SLIT1: variants seen among roughly 807,000 people sequenced by gnomAD.
The protein encoded by SLIT1 is slit guidance ligand 1, also known as slit homolog 1 protein.
In SLIT1, 66 loss-of-function variants were observed where a neutral mutation model predicts 186.1. That is an observed-to-expected ratio of 0.35 (90% CI 0.29 to 0.44). The LOEUF is 0.44. Ranked by LOEUF, SLIT1 falls within the 20% of genes least tolerant of loss-of-function variation. SLIT1 has a pLI of 1.00. For synonymous variants in SLIT1, 761 were observed against 833.8 expected (o/e 0.91, Z 1.50); for missense variants, 1,638 against 2,037.4 (o/e 0.80, Z 3.77).
At chr10:97,002,025 A>G in intron 36 of SLIT1, 133 bp downstream of exon 36, 2 of 521,452 alleles carry the variant, frequency 3.8e-6, no homozygotes. Flanking sequence ...GGGACTCTGA[A>G]AGCCCCATAG....
At chr10:97,085,491 G>A (rs1431757913) in intron 4 of SLIT1, among the ~76,000 whole-genome samples, 2 of 151,454 alleles carry the variant, frequency 1.3e-5, no homozygotes, top group Admixed American at 6.6e-5. Flanking sequence ...AGGTTCAAGT[G>A]ATTCTCCTGC....
At chr10:97,119,543 G>A (rs575625457) in intron 4 of SLIT1, among the ~76,000 whole-genome samples, 59 of 152,256 alleles carry the variant, frequency 3.9e-4, no homozygotes, top group Non-Finnish European at 7.5e-4. Context: ...CAGCTGATGG[G>A]CCGTGAACAG....
intron 28 of SLIT1, among the ~76,000 whole-genome samples, chr10:97,016,766 G>A (rs962781913): frequency 6.6e-6 from 1 of 152,180 alleles, no homozygotes; most frequent in Non-Finnish European, 1.5e-5. Flanking sequence ...AATTTTAGCT[G>A]TCAATCTAAG....
chr10:97,029,892 T>G (rs967785708), intron 25 of SLIT1, among the ~76,000 whole-genome samples: 5 of 152,236 alleles, frequency 3.3e-5, no homozygotes, highest in Non-Finnish European at 2.9e-5. Context: ...ATATTCGTCC[T>G]CTTGTGTCTG....
chr10:97,072,466 A>ACCAT (rs1400099190), intron 4 of SLIT1, among the ~76,000 whole-genome samples: 1 of 152,200 alleles, frequency 6.6e-6, no homozygotes, highest in Non-Finnish European at 1.5e-5. Flanking sequence ...CCCAGCTCTG[A>ACCAT]CCATCTTTCA....
At chr10:97,009,141 T>C (rs1394143535) in intron 31 of SLIT1, among the ~76,000 whole-genome samples, 1 of 152,168 alleles carries the variant, frequency 6.6e-6, no homozygotes, top group Non-Finnish European at 1.5e-5. Context: ...CCTCCCAAAG[T>C]GCTGGGATTA....
chr10:97,102,015 G>C (rs1221758401), intron 4 of SLIT1: 1 of 152,196 alleles, frequency 6.6e-6, no homozygotes, highest in East Asian at 1.9e-4. Context: ...TCGTGGACCG[G>C]CAGGGTCAGC....
At position 97,085,678 on chromosome 10, in the gene SLIT1, G is replaced by A. The variant is rs184953944; in HGVS notation, c.414-19592C>T. ...TGGGATTATGGGCGTGAGCCACCGT[G>A]CCCAGCCAGCACTTACCATAGTTTT... is the stretch of plus-strand genomic sequence containing the variant. On this transcript the variant is annotated intron_variant, in intron 4 of 36. Transcript: ENST00000266058. Among the ~76,000 whole-genome samples, 3 of 152,348 alleles carry A rather than the reference G, an allele frequency of 2.0e-5. No individual in the cohort carries two copies. In the East Asian group the frequency reaches 5.8e-4, roughly 29 times the overall value.
At chr10:97,179,431 A>C (rs981701955) in intron 1 of SLIT1, among the ~76,000 whole-genome samples, 2 of 152,176 alleles carry the variant, frequency 1.3e-5, no homozygotes, top group African/African-American at 4.8e-5. Context: ...CGTCTCAAAA[A>C]AATCATCTCA....
In SLIT1 at chr10:97,068,050, T is replaced by C. The variant is rs778859961; in HGVS notation, c.414-1964A>G. 6.6e-6 allele frequency among the ~76,000 whole-genome samples: 1 copy of C among 152,172 alleles called. No homozygotes were observed. Among genetic ancestry groups the C allele is most frequent in the African/African-American group, 2.4e-5 (1 of 41,430 alleles). On this transcript the variant is annotated intron_variant, in intron 4 of 36. Coordinates refer to ENST00000266058, the MANE Select transcript of SLIT1 (RefSeq NM_003061.3). The surrounding 1 kb of genome is among the most constrained non-coding windows in gnomAD (Gnocchi z 4.2). The stretch of plus-strand genomic sequence containing the variant: ...GGGCTCCTACTGCCTACTAGAACTG[T>C]GAGAAGGCACTGGACCAGCTGCTGC...
intron 3 of SLIT1, among the ~76,000 whole-genome samples, chr10:97,161,333 T>C (rs1363297490): frequency 6.6e-6 from 1 of 152,228 alleles, no homozygotes; most frequent in Non-Finnish European, 1.5e-5. Context: ...GCATTCGACA[T>C]CTGGTCTAGC....
At position 97,002,817 on chromosome 10, in the gene SLIT1, G is replaced by A; in HGVS notation, c.4041C>T (p.Cys1347=). Residue 1347 remains cysteine, a synonymous_variant, in exon 35 of 37, where the codon TGC becomes TGT. Transcript: ENST00000266058. ...PGCEPCRKLY[C]LHGICQPNAT... is the part of the protein sequence containing the mutation. ...CATTGGGCTGGCAGATGCCATGCAGGCAGTAGAGCTTGCGGCAGGGTTCGC... is the reference window on the plus strand; with the variant it reads ...CATTGGGCTGGCAGATGCCATGCAGACAGTAGAGCTTGCGGCAGGGTTCGC... The A allele has an allele frequency of 6.2e-7, 1 of 1,614,182 alleles. No individual in the cohort carries two copies. Among genetic ancestry groups the A allele is most frequent in the South Asian group, 1.1e-5 (1 of 91,078 alleles).
intron 4 of SLIT1, among the ~76,000 whole-genome samples, chr10:97,116,458 T>G (rs1849511051): frequency 6.6e-6 from 1 of 152,034 alleles, no homozygotes; most frequent in Admixed American, 6.5e-5. Context: ...AGGCTGCTGA[T>G]GAGGAGCACC....
chr10:97,067,437 C>T (rs1848958502), intron 4 of SLIT1, among the ~76,000 whole-genome samples: 1 of 152,252 alleles, frequency 6.6e-6, no homozygotes, highest in South Asian at 2.1e-4. Context: ...CAGGCCAGCA[C>T]TGCCTGAGTA....
chr10:97,037,813 G>A, intron 21 of SLIT1, 47 bp from the exon 22 acceptor site: 2 of 1,522,918 alleles, frequency 1.3e-6, no homozygotes, highest in Non-Finnish European at 9.1e-7. Flanking sequence ...CACCTCTGGT[G>A]GTGCCCCATG....
chr10:97,076,911 G>C (rs1849051203), intron 4 of SLIT1, among the ~76,000 whole-genome samples: 2 of 152,164 alleles, frequency 1.3e-5, no homozygotes, highest in South Asian at 4.2e-4. Context: ...GGGGGAGTGG[G>C]TCCCGCCTGC....
chr10:97,093,985 T>C (rs1037661930), intron 4 of SLIT1, among the ~76,000 whole-genome samples: 1 of 152,124 alleles, frequency 6.6e-6, no homozygotes, highest in Non-Finnish European at 1.5e-5. Context: ...GAAATGTGAG[T>C]GAGTGCTAAA....
chr10:97,182,947 C>T (rs2636812), intron 1 of SLIT1, among the ~76,000 whole-genome samples: 141,944 of 151,292 alleles, frequency 0.94, 67,066 homozygotes, highest in Non-Finnish European at 0.99. Flanking sequence ...GCAATATAGC[C>T]AGATCCTCAT....
At position 97,004,739 on chromosome 10, in the gene SLIT1, G is replaced by A. The variant is rs747106536; in HGVS notation, c.3664C>T (p.Arg1222Cys). 16 of 1,613,994 alleles carry A rather than the reference G, an allele frequency of 9.9e-6. No individual in the cohort carries two copies. Among genetic ancestry groups the A allele is most frequent in the South Asian group, 3.3e-5 (3 of 91,084 alleles). ...TAGCTGCCTGGGTCGTAGCTGACACGCACATGGCCCTGGTACAGCTCAACT... is the reference window on the plus strand; with the variant it reads ...TAGCTGCCTGGGTCGTAGCTGACACACACATGGCCCTGGTACAGCTCAACT... ...IAVELYQGHV[R>C]VSYDPGSYPS... The change falls in exon 33 of 37, where the codon CGT (arginine) becomes TGT (cysteine). Residue 1222 changes from arginine to cysteine, a missense_variant. By Grantham distance (180) the Arg-to-Cys change is radical. Transcript: ENST00000266058. This position sits in a 1 kb window ranked among gnomAD's most constrained non-coding sequence, Gnocchi z 5.1.
Sources: allele counts gnomAD v4.1 joint callset (sites outside exome capture counted in the v4.1 genomes callset), GRCh38; gene constraint gnomAD v4.1.1; non-coding constraint Gnocchi (gnomAD v3.1); transcripts MANE v1.5; gene names NCBI Gene and HGNC (gene_info 2026-07-23, HGNC 2026-07-21).